RESF1: variants seen among roughly 807,000 people sequenced by gnomAD.
RESF1 encodes the protein retroelement silencing factor 1, also known as gonad expressed transcript.
A neutral mutation model predicts 134.7 loss-of-function variants in RESF1; 65 were observed. The ratio of observed to expected loss-of-function variants is 0.48; its 90% CI spans 0.40 to 0.59. The LOEUF (loss-of-function observed/expected upper bound fraction) is 0.59. Among genes scored for constraint, RESF1 ranks in the 20% least tolerant of loss-of-function variants. The pLI is 0.00. For synonymous variants in RESF1, 762 were observed against 702.2 expected (o/e 1.09, Z -1.35); for missense variants, 2,274 against 2,002.7 (o/e 1.14, Z -2.59).
chr12:31,992,574 C>A lies in RESF1; in HGVS notation c.*39C>A, dbSNP rs771305776. ...TTTTGTAATTGCCACTGGGAAATTT[C>A]TTTCCTTTTCTGTTCAAAATATTTC... On this transcript the variant is annotated 3_prime_UTR_variant, in exon 6 of 6. Coordinates refer to ENST00000312561, the MANE Select transcript of RESF1 (RefSeq NM_018169.4). 1 of 1,579,020 alleles carries A rather than the reference C, an allele frequency of 6.3e-7. No individual in the cohort carries two copies. Among genetic ancestry groups the A allele is most frequent in the African/African-American group, 1.4e-5 (1 of 73,690 alleles).
chr12:31,974,302 A>T (rs1165354275), intron 3 of RESF1, among the ~76,000 whole-genome samples: 1 of 152,080 alleles, frequency 6.6e-6, no homozygotes, highest in Non-Finnish European at 1.5e-5. Flanking sequence ...ACCCCAATCT[A>T]CAAGAGTTTT....
chr12:31,982,715 T>G lies in RESF1; in HGVS notation c.1760T>G (p.Leu587Trp), dbSNP rs1158871551. 6.2e-7 allele frequency: 1 copy of G among 1,613,958 alleles called. No homozygotes were observed. The highest frequency in any genetic ancestry group is 8.5e-7 in the Non-Finnish European group (1 of 1,179,840). The change falls in exon 4 of 6, where the codon TTG becomes TGG. Residue 587 changes from leucine to tryptophan, a missense_variant. Physicochemically the swap from Leu to Trp is moderately conservative, Grantham distance 61 (BLOSUM62 -2). Coordinates refer to ENST00000312561, the MANE Select transcript of RESF1 (RefSeq NM_018169.4). Reference protein sequence around the residue: ...IQNENMLLLALLSQARKTQKT... With the variant: ...IQNENMLLLAWLSQARKTQKT... ...AATGAAAATATGCTACTTCTCGCTTTGCTTTCACAGGCACGTAAGACTCAG... is the reference window on the plus strand; with the variant it reads ...AATGAAAATATGCTACTTCTCGCTTGGCTTTCACAGGCACGTAAGACTCAG...
At chr12:31,971,788 T>C (rs923466867) in intron 3 of RESF1, among the ~76,000 whole-genome samples, 1 of 152,220 alleles carries the variant, frequency 6.6e-6, no homozygotes, top group African/African-American at 2.4e-5. Context: ...GTTGGGACTT[T>C]TCAGCCCTAC....
At chr12:31,962,209 T>C (rs970154354) in intron 2 of RESF1, among the ~76,000 whole-genome samples, 8 of 142,674 alleles carry the variant, frequency 5.6e-5, no homozygotes, top group African/African-American at 2.2e-4. Context: ...CAGAGCAAGA[T>C]TCTGTCTTTT....
rs200919626 is a variant in RESF1 at position 31,982,787 on chromosome 12, C to A, written c.1832C>A (p.Pro611Gln). Reference protein sequence around the residue: ...DANQTIQDSKPDSCEMNPNTQ... With the variant: ...DANQTIQDSKQDSCEMNPNTQ... ...AATCAAACTATTCAGGATTCTAAACCAGACAGTTGTGAAATGAATCCAAAT... is the reference window on the plus strand; with the variant it reads ...AATCAAACTATTCAGGATTCTAAACAAGACAGTTGTGAAATGAATCCAAAT... The change falls in exon 4 of 6, where the codon CCA (proline) becomes CAA (glutamine). Residue 611 changes from proline to glutamine, a missense_variant. Physicochemically the swap from Pro to Gln is moderately conservative, Grantham distance 76. Coordinates refer to ENST00000312561, the MANE Select transcript of RESF1 (RefSeq NM_018169.4). The A allele has an allele frequency of 4.3e-6, 7 of 1,613,968 alleles. No homozygotes were observed. The highest frequency in any genetic ancestry group is 5.9e-6 in the Non-Finnish European group (7 of 1,180,002).
At chr12:31,991,613 C>T (rs1284290702) in intron 5 of RESF1, among the ~76,000 whole-genome samples, 5 of 151,732 alleles carry the variant, frequency 3.3e-5, no homozygotes, top group Non-Finnish European at 7.4e-5. Flanking sequence ...TACAGCAATT[C>T]TGTTTGTTTG....
Position 31,982,741 on chromosome 12 carries a change from A to G in RESF1, c.1786A>G (p.Lys596Glu). 6.2e-7 allele frequency: 1 copy of G among 1,614,022 alleles called. No individual in the cohort carries two copies. The highest frequency in any genetic ancestry group is 2.2e-5 in the East Asian group (1 of 44,880). Reference sequence around the variant, plus strand: ...GCTTTCACAGGCACGTAAGACTCAGAAGACAGTATTAAAAGATGCTAATCA... The same window carrying G: ...GCTTTCACAGGCACGTAAGACTCAGGAGACAGTATTAAAAGATGCTAATCA... ...ALLSQARKTQKTVLKDANQTI... is the reference protein window; with the variant it reads ...ALLSQARKTQETVLKDANQTI... Residue 596 changes from lysine (K) to glutamate (E), a missense_variant, in exon 4 of 6, where the codon AAG (lysine) becomes GAG (glutamate). Physicochemically the swap from Lys to Glu is moderately conservative, Grantham distance 56. Transcript: ENST00000312561.
chr12:31,967,208 C>T (rs189620873), intron 2 of RESF1, among the ~76,000 whole-genome samples: 2 of 152,100 alleles, frequency 1.3e-5, no homozygotes, highest in African/African-American at 4.8e-5. Context: ...TGCTGTTGGA[C>T]TTAGTAATAT....
rs1249539491 is a variant in RESF1 at position 31,983,846 on chromosome 12, A to T, written c.2891A>T (p.Asp964Val). The stretch of plus-strand genomic sequence containing the variant: ...AAAGATAAACCTGTACAGTGCACAG[A>T]TGTTTCACATAAAATATGTGATCAG... Reference protein sequence around the residue: ...FQKDKPVQCTDVSHKICDQSK... With the variant: ...FQKDKPVQCTVVSHKICDQSK... The change falls in exon 4 of 6, where the codon GAT becomes GTT. Residue 964 changes from aspartate (D) to valine (V), a missense_variant. Asp to Val is a radical substitution (Grantham distance 152). Transcript: ENST00000312561. 3 of 1,613,452 alleles carry T rather than the reference A, an allele frequency of 1.9e-6. No individual in the cohort carries two copies. In the South Asian group the frequency reaches 3.3e-5, roughly 18 times the overall value.
At chr12:31,979,183 A>G (rs1049159549) in intron 3 of RESF1, among the ~76,000 whole-genome samples, 41 of 152,044 alleles carry the variant, frequency 2.7e-4, no homozygotes, top group African/African-American at 7.5e-4. Context: ...GCCTCCCAAA[A>G]TGCTGGGATT....
rs1939804836 is a variant in RESF1 at position 31,981,924 on chromosome 12, G to A, written c.969G>A (p.Gln323=). 2.9e-5 allele frequency: 47 copies of A among 1,614,214 alleles called. No homozygotes were observed. The highest frequency in any genetic ancestry group is 4.0e-5 in the Non-Finnish European group (47 of 1,180,024). The change falls in exon 4 of 6, where the codon CAG becomes CAA. Residue 323 remains glutamine, a synonymous_variant. Transcript: ENST00000312561. ...AAATAAGGACCAGCTTTCAACAGCA[G>A]TGGCAAAACCCTAATGAAAATGTCA... The part of the protein sequence containing the change: ...SSEIRTSFQQ[Q]WQNPNENVST...
At chr12:31,976,086 A>T (rs565662054) in intron 3 of RESF1, among the ~76,000 whole-genome samples, 2 of 152,326 alleles carry the variant, frequency 1.3e-5, no homozygotes, top group African/African-American at 4.8e-5. Flanking sequence ...TCTTGCCAAC[A>T]TGTGGTATTG....
At chr12:31,972,058 G>T (rs1172625665) in intron 3 of RESF1, among the ~76,000 whole-genome samples, 3 of 152,164 alleles carry the variant, frequency 2.0e-5, no homozygotes, top group Non-Finnish European at 4.4e-5. Context: ...GCAGGTGGAG[G>T]TTCCTAGAGG....
At chr12:31,963,208 G>A (rs1408975636) in intron 2 of RESF1, among the ~76,000 whole-genome samples, 1 of 152,132 alleles carries the variant, frequency 6.6e-6, no homozygotes, top group African/African-American at 2.4e-5. Flanking sequence ...AGCCAGGTGT[G>A]GTGGCATGCG....
chr12:31,985,779 T>G lies in RESF1; in HGVS notation c.4824T>G (p.His1608Gln), dbSNP rs1565488420. 1 of 1,570,504 alleles carries G rather than the reference T, an allele frequency of 6.4e-7. No individual in the cohort carries two copies. Among genetic ancestry groups the G allele is most frequent in the Non-Finnish European group, 8.6e-7 (1 of 1,165,774 alleles). The change falls in exon 4 of 6, where the codon CAT (histidine) becomes CAG (glutamine). Residue 1608 changes from histidine (H) to glutamine (Q), a missense_variant. By Grantham distance (24) the His-to-Gln change is conservative (BLOSUM62 0). Coordinates refer to ENST00000312561, the MANE Select transcript of RESF1 (RefSeq NM_018169.4). ...TAGAAAGTTCACCCAGGAAGCTTCA[T>G]AAAGATAAGAGACAGGAAAATAAAC... is the stretch of plus-strand genomic sequence containing the variant. ...TKLESSPRKLHKDKRQENKHK... is the reference protein window; with the variant it reads ...TKLESSPRKLQKDKRQENKHK...
intron 4 of RESF1, among the ~76,000 whole-genome samples, chr12:31,986,812 A>T (rs1939982158): frequency 6.6e-6 from 1 of 152,224 alleles, no homozygotes; most frequent in Non-Finnish European, 1.5e-5. Flanking sequence ...ACAATAGCAT[A>T]AACAGGATAT....
chr12:31,986,563 C>A (rs1257794194), intron 4 of RESF1, among the ~76,000 whole-genome samples: 1 of 152,168 alleles, frequency 6.6e-6, no homozygotes, highest in Non-Finnish European at 1.5e-5. Context: ...AATTTAAAAT[C>A]TTTAAAGCCA....
intron 3 of RESF1, among the ~76,000 whole-genome samples, chr12:31,973,439 C>G (rs556859126): frequency 6.6e-6 from 1 of 152,170 alleles, no homozygotes; most frequent in African/African-American, 2.4e-5. Context: ...TCCTGAGTAT[C>G]TGGGACTGCA....
intron 5 of RESF1, among the ~76,000 whole-genome samples, chr12:31,990,427 T>A (rs1940071976): frequency 6.6e-6 from 1 of 151,908 alleles, no homozygotes; most frequent in Admixed American, 6.6e-5. Flanking sequence ...ACATGGGCAT[T>A]TTTATTTACT....
Sources: gnomAD v4.1 joint callset for allele counts (sites outside exome capture counted in the v4.1 genomes callset) on GRCh38, gnomAD v4.1.1 for gene constraint, MANE v1.5 for transcripts, NCBI Gene and HGNC (gene_info 2026-07-23, HGNC 2026-07-21) for gene names.